Variants in R3HDM2 observed in about 807,000 individuals in gnomAD.
R3HDM2 encodes R3H domain containing 2, also known as R3H domain-containing protein 2.
Under a neutral mutation model 124.5 loss-of-function variants are expected in R3HDM2, and 38 were observed. That is an observed-to-expected ratio of 0.31 (90% CI 0.24 to 0.40). The LOEUF is 0.40. Among genes scored for constraint, R3HDM2 ranks in the 10% least tolerant of loss-of-function variants. The pLI, the probability that R3HDM2 is intolerant of heterozygous loss-of-function variation, is 1.00. For missense variants in R3HDM2, 869 were observed against 1,236.9 expected (o/e 0.70, Z 4.46); for synonymous variants, 391 against 448.0 (o/e 0.87, Z 1.61).
intron 2 of R3HDM2, among the ~76,000 whole-genome samples, chr12:57,386,775 G>T (rs1264073901): frequency 6.6e-6 from 1 of 152,286 alleles, no homozygotes; most frequent in African/African-American, 2.4e-5. Context: ...CTAGCTAAGG[G>T]ATTGTAAATA....
At chr12:57,281,287 CAAAAAAAAAA>C (rs71084737) in intron 13 of R3HDM2, among the ~76,000 whole-genome samples, 2 of 81,992 alleles carry the variant, frequency 2.4e-5, no homozygotes, top group Non-Finnish European at 4.5e-5. Flanking sequence ...GACTCGGTCT[CAAAAAAAAAA>C]AAAAAAAAAA....
intron 1 of R3HDM2, among the ~76,000 whole-genome samples, chr12:57,405,796 CCA>C (rs1449038046): frequency 6.6e-6 from 1 of 152,080 alleles, no homozygotes; most frequent in Non-Finnish European, 1.5e-5. Context: ...CCTTTTGCAC[CCA>C]GATTGTGATC....
At chr12:57,264,808 T>A (rs1354467024) in intron 19 of R3HDM2, among the ~76,000 whole-genome samples, 1 of 152,060 alleles carries the variant, frequency 6.6e-6, no homozygotes, top group African/African-American at 2.4e-5. Context: ...AACTAATTTT[T>A]AAATTTTTTG....
intron 3 of R3HDM2, among the ~76,000 whole-genome samples, chr12:57,309,886 T>G (rs2053554079): frequency 6.6e-6 from 1 of 152,208 alleles, no homozygotes; most frequent in Non-Finnish European, 1.5e-5. Flanking sequence ...TAAAAGTGAC[T>G]GATTCTTACA....
intron 2 of R3HDM2, among the ~76,000 whole-genome samples, chr12:57,386,155 G>GCTCCCAGCC (rs1555304963): frequency 6.8e-6 from 1 of 147,368 alleles, no homozygotes; most frequent in Non-Finnish European, 1.5e-5. Flanking sequence ...TGCTGGCAGC[G>GCTCCCAGCC]CTCGCAGCCC....
At chr12:57,429,510 C>T (rs1000602810) in intron 1 of R3HDM2, among the ~76,000 whole-genome samples, 1 of 151,836 alleles carries the variant, frequency 6.6e-6, no homozygotes, top group Admixed American at 6.6e-5. Context: ...ATCACTTGAG[C>T]CCAGGAGTTC....
At chr12:57,274,310 C>T (rs1355668378) in intron 14 of R3HDM2, among the ~76,000 whole-genome samples, 1 of 152,088 alleles carries the variant, frequency 6.6e-6, no homozygotes, top group Non-Finnish European at 1.5e-5. Flanking sequence ...CCCATTTCTA[C>T]TAAAAATACA....
At chr12:57,377,107 A>AAATAAATAAAT (rs1566405448) in intron 2 of R3HDM2, among the ~76,000 whole-genome samples, 51 of 18,430 alleles carry the variant, frequency 2.8e-3, no homozygotes, top group African/African-American at 6.7e-3. Context: ...AATAAATAAA[A>AAATAAATAAAT]GAGACTTGGT....
intron 2 of R3HDM2, among the ~76,000 whole-genome samples, chr12:57,338,972 C>A (rs1469915395): frequency 6.6e-6 from 1 of 152,022 alleles, no homozygotes; most frequent in Admixed American, 6.6e-5. Context: ...TTTTAATCCT[C>A]AAAACAACCC....
At chr12:57,290,801 G>A (rs1308562402) in intron 11 of R3HDM2, among the ~76,000 whole-genome samples, 5 of 152,034 alleles carry the variant, frequency 3.3e-5, no homozygotes, top group Admixed American at 6.6e-5. Context: ...TAGTAGAGAC[G>A]GGGTTTCTCC....
intron 14 of R3HDM2, among the ~76,000 whole-genome samples, chr12:57,279,456 T>C (rs2045644023): frequency 6.6e-6 from 1 of 150,386 alleles, no homozygotes; most frequent in African/African-American, 2.4e-5. Context: ...GTGCTGGGAT[T>C]ACAGGCTTGA....
At chr12:57,421,536 C>T (rs1319799576) in intron 1 of R3HDM2, among the ~76,000 whole-genome samples, 1 of 149,362 alleles carries the variant, frequency 6.7e-6, no homozygotes, top group Non-Finnish European at 1.5e-5. Flanking sequence ...GACAGGGTCT[C>T]ACTCTATTGC....
At chr12:57,335,755 G>A (rs941311889) in intron 2 of R3HDM2, among the ~76,000 whole-genome samples, 3 of 150,362 alleles carry the variant, frequency 2.0e-5, no homozygotes, top group Admixed American at 6.6e-5. Flanking sequence ...TTCCCATGTC[G>A]GCCTCCCAAA....
At chr12:57,261,778 A>C (rs961597894) in intron 19 of R3HDM2, among the ~76,000 whole-genome samples, 7 of 149,080 alleles carry the variant, frequency 4.7e-5, no homozygotes, top group Non-Finnish European at 7.4e-5. Flanking sequence ...AAAAAAAAAA[A>C]CCCTCTGCCC....
In R3HDM2 at chr12:57,298,092, T is replaced by G; in HGVS notation, c.498A>C (p.Pro166=). ...TCTTATACCCATCATGTTATTACCT[T>G]GGGTTCTTTTTCAGTGTATTTACAA... ...EFLVNTLKKN[P]RDRMMLLKLE... is the part of the protein sequence containing the mutation. Residue 166 remains proline, a splice_region_variant and synonymous_variant, in exon 7 of 24, where the codon CCA becomes CCC. Coordinates refer to ENST00000402412, the MANE Select transcript of R3HDM2 (RefSeq NM_001394031.1). 1 of 1,548,436 alleles carries G rather than the reference T, an allele frequency of 6.5e-7. No homozygotes were observed. Among genetic ancestry groups the G allele is most frequent in the Non-Finnish European group, 8.7e-7 (1 of 1,144,278 alleles).
intron 1 of R3HDM2, among the ~76,000 whole-genome samples, chr12:57,398,557 C>A (rs2067781487): frequency 6.6e-6 from 1 of 151,402 alleles, no homozygotes; most frequent in African/African-American, 2.4e-5. Flanking sequence ...GGCGTGATCT[C>A]GGCTCACTGC....
intron 2 of R3HDM2, among the ~76,000 whole-genome samples, chr12:57,343,212 C>T (rs1214778712): frequency 6.4e-5 from 8 of 124,756 alleles, no homozygotes; most frequent in African/African-American, 1.3e-4. Flanking sequence ...TTTTTTGAGA[C>T]GGAGTTTCAC....
chr12:57,284,130 T>C, intron 12 of R3HDM2, 74 bp from the exon 13 acceptor site: 1 of 1,295,062 alleles, frequency 7.7e-7, no homozygotes, highest in Non-Finnish European at 1.1e-6. Flanking sequence ...AATTCATTTC[T>C]ATTCTCTCAA....
intron 14 of R3HDM2, chr12:57,272,662 G>C: frequency 2.0e-6 from 1 of 489,386 alleles, no homozygotes; most frequent in Non-Finnish European, 3.6e-6. Context: ...GGAAAGGGAA[G>C]GAACAATAAG....
Sources: allele counts gnomAD v4.1 joint callset (sites outside exome capture counted in the v4.1 genomes callset), GRCh38; gene constraint gnomAD v4.1.1; transcripts MANE v1.5; gene names NCBI Gene and HGNC (gene_info 2026-07-23, HGNC 2026-07-21).